The following ATP9B variants were observed in gnomAD, a reference collection of about 807,000 sequenced individuals.
ATP9B encodes ATPase phospholipid transporting 9B.
A neutral mutation model predicts 146.1 loss-of-function variants in ATP9B; 110 were observed. The ratio of observed to expected loss-of-function variants is 0.75; its 90% CI spans 0.65 to 0.88. ATP9B has a LOEUF of 0.88. Among genes scored for constraint, ATP9B ranks in the 40% least tolerant of loss-of-function variants. ATP9B has a pLI of 0.00. For missense variants in ATP9B, 1,499 were observed against 1,496.4 expected (o/e 1.00, Z -0.03); for synonymous variants, 604 against 569.7 (o/e 1.06, Z -0.86).
intron 9 of ATP9B, among the ~76,000 whole-genome samples, chr18:79,200,788 T>TGGAGGTGGGGACTGTCGG (rs1555749735): frequency 2.8e-5 from 1 of 35,458 alleles, no homozygotes; most frequent in South Asian, 7.5e-4. Flanking sequence ...GAAGTAGTGG[T>TGGAGGTGGGGACTGTCGG]GGAATTGTTT....
chr18:79,104,017 G>A (rs542289030), intron 2 of ATP9B, among the ~76,000 whole-genome samples: 1 of 152,200 alleles, frequency 6.6e-6, no homozygotes, highest in African/African-American at 2.4e-5. Flanking sequence ...TTTTGTGACA[G>A]CTAAGAGCCA....
rs1351381573 is a variant in ATP9B at position 79,263,021 on chromosome 18, C to T, written c.1268+9480C>T. ...AAAAAAGTTATTACTTCTTGTTGCA[C>T]AAGCTACTTCAGCAGCCTTTGAGCA... is the stretch of plus-strand genomic sequence containing the variant. On this transcript the variant is annotated intron_variant, in intron 12 of 29. Transcript: ENST00000426216. Among the ~76,000 whole-genome samples, 6 of 152,282 alleles carry T rather than the reference C, an allele frequency of 3.9e-5. No individual in the cohort carries two copies. The South Asian group carries it at 1.0e-3, about 26-fold the overall frequency.
chr18:79,375,504 A>G, intron 29 of ATP9B, 78 bp downstream of exon 29: 1 of 1,567,558 alleles, frequency 6.4e-7, no homozygotes, highest in Non-Finnish European at 8.7e-7. Context: ...AACTAATAAG[A>G]AAAACAAACC....
At chr18:79,161,751 C>G (rs989471138) in intron 7 of ATP9B, among the ~76,000 whole-genome samples, 2 of 152,082 alleles carry the variant, frequency 1.3e-5, no homozygotes, top group African/African-American at 4.8e-5. Context: ...GAGGCTGAGG[C>G]AGGAGAATGG....
At chr18:79,148,638 T>C (rs1047813048) in intron 6 of ATP9B, among the ~76,000 whole-genome samples, 2 of 152,210 alleles carry the variant, frequency 1.3e-5, no homozygotes, top group Non-Finnish European at 2.9e-5. Context: ...GGTGTAAGAC[T>C]GAATGCCTCC....
At chr18:79,267,043 A>G (rs976414716) in intron 12 of ATP9B, among the ~76,000 whole-genome samples, 1 of 152,040 alleles carries the variant, frequency 6.6e-6, no homozygotes, top group African/African-American at 2.4e-5. Context: ...ACATTTACAT[A>G]AGAAGAAGGC....
rs59110010 is a variant in ATP9B, at chr18:79,371,370, TA to T, written c.3013-1424del. ...CTGGTGAAAGAGCAAGACTCCGTCT[TA>T]AAAAAAAAAAAAAAAAAAAAAAAAA... On this transcript the variant is annotated intron_variant, in intron 26 of 29. Coordinates refer to ENST00000426216, the MANE Select transcript of ATP9B (RefSeq NM_198531.5). Among the ~76,000 whole-genome samples, 244 of 98,072 alleles carry T rather than the reference TA, an allele frequency of 2.5e-3. 2 individuals are homozygous for T. Among genetic ancestry groups the T allele is most frequent in the Non-Finnish European group, 2.9e-3 (149 of 51,620 alleles). The allele number at this position is 98,072 out of a possible 152,430, so 64.3% of individuals were successfully genotyped here. A position where few individuals can be genotyped will look rare whatever the true frequency, so the allele number is the denominator to read the frequency against.
intron 9 of ATP9B, among the ~76,000 whole-genome samples, chr18:79,200,762 C>CTGTCGGGGTCAGAGCAGAGGTGGAGGTGG (rs376428579): frequency 1.1e-4 from 3 of 26,796 alleles, no homozygotes; most frequent in Middle Eastern, 0.025. Context: ...GAGGTGGGAA[C>CTGTCGGGGTCAGAGCAGAGGTGGAGGTGG]GTTGGGGTCA....
chr18:79,333,766 C>T (rs979739813), intron 17 of ATP9B, among the ~76,000 whole-genome samples: 4 of 152,130 alleles, frequency 2.6e-5, no homozygotes, highest in South Asian at 2.1e-4. Flanking sequence ...GGGCTCATTG[C>T]GGCCGTAGCT....
At chr18:79,155,697 TA>T (rs375749700) in intron 7 of ATP9B, among the ~76,000 whole-genome samples, 1 of 151,012 alleles carries the variant, frequency 6.6e-6, no homozygotes, top group African/African-American at 2.4e-5. Flanking sequence ...TCTGTATTTA[TA>T]AACAACATAC....
chr18:79,310,863 G>T (rs1318593902), intron 15 of ATP9B, among the ~76,000 whole-genome samples: 8 of 151,968 alleles, frequency 5.3e-5, no homozygotes, highest in Admixed American at 3.9e-4. Flanking sequence ...AGAAATGCTG[G>T]GCTGGGGCCA....
intron 15 of ATP9B, among the ~76,000 whole-genome samples, chr18:79,314,589 C>G (rs904823330): frequency 1.3e-5 from 2 of 152,186 alleles, no homozygotes; most frequent in African/African-American, 4.8e-5. Context: ...GTGTAAATAA[C>G]TGATTTCGTA....
chr18:79,128,265 G>A (rs2094321689), intron 5 of ATP9B, among the ~76,000 whole-genome samples: 1 of 151,906 alleles, frequency 6.6e-6, no homozygotes, highest in Non-Finnish European at 1.5e-5. Context: ...TCACTATGTT[G>A]GCCAGGCTGG....
intron 7 of ATP9B, among the ~76,000 whole-genome samples, chr18:79,174,611 G>A (rs1311768660): frequency 6.6e-6 from 1 of 151,932 alleles, no homozygotes; most frequent in Non-Finnish European, 1.5e-5. Context: ...GAAAAAACAG[G>A]GTTATTGGAC....
At chr18:79,079,569 G>A (rs1386401916) in intron 1 of ATP9B, among the ~76,000 whole-genome samples, 5 of 151,834 alleles carry the variant, frequency 3.3e-5, no homozygotes, top group Admixed American at 1.3e-4. Flanking sequence ...TGGATAGATT[G>A]CAAAAATTTT....
At chr18:79,233,741 CAT>C (rs2095813791) in intron 11 of ATP9B, among the ~76,000 whole-genome samples, 2 of 152,158 alleles carry the variant, frequency 1.3e-5, no homozygotes, top group Non-Finnish European at 1.5e-5. Context: ...ACAATCCACG[CAT>C]AAGTTTTGAC....
chr18:79,197,853 G>T lies in ATP9B; in HGVS notation c.954+4590G>T, dbSNP rs1000389727. Among the ~76,000 whole-genome samples the T allele has an allele frequency of 2.3e-4, 35 of 152,114 alleles. 1 individual carries two copies. The highest frequency in any genetic ancestry group is 8.0e-4 in the African/African-American group (33 of 41,440). The stretch of plus-strand genomic sequence containing the variant: ...GACTGGAGAAAAACATAGTACCCCC[G>T]AATTCATAGAACTAATAGGCAACAT... On this transcript the variant is annotated intron_variant, in intron 9 of 29. Transcript: ENST00000426216.
chr18:79,377,164 C>A, intron 29 of ATP9B, 83 bp from the exon 30 acceptor site: 1 of 1,533,350 alleles, frequency 6.5e-7, no homozygotes, highest in Non-Finnish European at 8.9e-7. Context: ...CGTCTGGTGG[C>A]CTGGCCAGGT....
At chr18:79,346,195 A>G (rs1307861093) in intron 23 of ATP9B, among the ~76,000 whole-genome samples, 2 of 149,760 alleles carry the variant, frequency 1.3e-5, no homozygotes, top group Admixed American at 6.6e-5. Flanking sequence ...GCGCACAGTC[A>G]GCACACAGCA....
Sources: gnomAD v4.1 joint callset for allele counts (sites outside exome capture counted in the v4.1 genomes callset) on GRCh38, gnomAD v4.1.1 for gene constraint, MANE v1.5 for transcripts, NCBI Gene and HGNC (gene_info 2026-07-23, HGNC 2026-07-21) for gene names.